The following ALOX5AP variants were observed in gnomAD, a reference collection of about 807,000 sequenced individuals.
ALOX5AP encodes the protein arachidonate 5-lipoxygenase activating protein, also known as arachidonate 5-lipoxygenase-activating protein.
A neutral mutation model predicts 18.5 loss-of-function variants in ALOX5AP; 9 were observed. That is an observed-to-expected ratio of 0.49 (90% CI 0.29 to 0.85). The LOEUF (loss-of-function observed/expected upper bound fraction) is 0.85, where lower values mean the gene tolerates loss of function less well. Among genes scored for constraint, ALOX5AP ranks in the 40% least tolerant of loss-of-function variants. The pLI is 0.08. For missense variants in ALOX5AP, 172 were observed against 202.5 expected (o/e 0.85, Z 0.91); for synonymous variants, 81 against 78.6 (o/e 1.03, Z -0.16).
In ALOX5AP at chr13:30,764,267, T is replaced by A. The variant is rs1307103587; in HGVS notation, c.*161T>A. 1 of 748,970 alleles carries A rather than the reference T, an allele frequency of 1.3e-6. No individual in the cohort carries two copies. The highest frequency in any genetic ancestry group is 2.2e-5 in the South Asian group (1 of 46,408). The allele number at this position is 748,970 out of a possible 1,614,324, so 46.4% of individuals were successfully genotyped here. The stretch of plus-strand genomic sequence containing the variant: ...TAACCTTGCTTTTCCGGGAACAAAA[T>A]GATGTCATGTCAGCTCCGCCCCTTG... On this transcript the variant is annotated 3_prime_UTR_variant, in exon 5 of 5. Transcript: ENST00000380490.
intron 4 of ALOX5AP, among the ~76,000 whole-genome samples, chr13:30,762,070 C>T (rs1477076314): frequency 6.6e-6 from 1 of 152,184 alleles, no homozygotes; most frequent in Non-Finnish European, 1.5e-5. Flanking sequence ...GGCCAAGGAA[C>T]AGGGCTGGTG....
chr13:30,718,115 A>G (rs538194347), intron 1 of ALOX5AP, among the ~76,000 whole-genome samples: 2 of 151,882 alleles, frequency 1.3e-5, no homozygotes, highest in Admixed American at 1.3e-4. Flanking sequence ...GTGTGCCACC[A>G]TGCCTGGCTA....
intron 1 of ALOX5AP, among the ~76,000 whole-genome samples, chr13:30,741,831 GTTTTT>G (rs770976174): frequency 7.5e-6 from 1 of 133,954 alleles, no homozygotes; most frequent in African/African-American, 2.8e-5. Flanking sequence ...ATGGTTTTCT[GTTTTT>G]TTTTTTTTTT....
intron 3 of ALOX5AP, among the ~76,000 whole-genome samples, chr13:30,752,378 G>A (rs1951859911): frequency 6.6e-6 from 1 of 152,188 alleles, no homozygotes; most frequent in East Asian, 1.9e-4. Flanking sequence ...GGTGGTTTAA[G>A]GCTAAATGTG....
chr13:30,727,031 T>C (rs868129487), intron 1 of ALOX5AP, among the ~76,000 whole-genome samples: 1 of 150,238 alleles, frequency 6.7e-6, no homozygotes, highest in African/African-American at 2.5e-5. Flanking sequence ...GAGAGAAAGT[T>C]TCATTGTTAG....
At chr13:30,730,442 G>C (rs1000834213) in intron 1 of ALOX5AP, among the ~76,000 whole-genome samples, 1 of 152,168 alleles carries the variant, frequency 6.6e-6, no homozygotes, top group Non-Finnish European at 1.5e-5. Flanking sequence ...ATATTGGTCT[G>C]AATATTCTTT....
At chr13:30,749,446 T>C (rs1007828543) in intron 2 of ALOX5AP, among the ~76,000 whole-genome samples, 1 of 152,186 alleles carries the variant, frequency 6.6e-6, no homozygotes, top group Non-Finnish European at 1.5e-5. Context: ...AAAAAAGGAA[T>C]TTTTTCTCTA....
intron 1 of ALOX5AP, among the ~76,000 whole-genome samples, chr13:30,724,632 AAGATAACTATTCGCCTTTTG>A (rs1408660817): frequency 6.6e-6 from 1 of 152,206 alleles, no homozygotes; most frequent in East Asian, 1.9e-4. Context: ...TCATTCCCCA[AAGATAACTATTCGCCTTTTG>A]AGAAACATCT....
intron 3 of ALOX5AP, among the ~76,000 whole-genome samples, chr13:30,753,470 C>T (rs747756262): frequency 3.4e-4 from 51 of 152,158 alleles, no homozygotes; most frequent in Admixed American, 9.8e-4. Context: ...GAAGGTGTTT[C>T]GTAGCCCTGG....
chr13:30,736,457 T>C (rs1416001294), intron 1 of ALOX5AP, among the ~76,000 whole-genome samples: 1 of 152,238 alleles, frequency 6.6e-6, no homozygotes, highest in African/African-American at 2.4e-5. Flanking sequence ...CTCAGACCAC[T>C]TTCATAACTA....
rs141412081 is a variant in ALOX5AP at position 30,763,972 on chromosome 13, A to G, written c.352A>G (p.Ile118Val). ...CCCTGGCTACATATTTGGGAAACGC[A>G]TCATACTCTTCCTGTTCCTCATGTC... ...STPGYIFGKR[I>V]ILFLFLMSVA... Residue 118 changes from isoleucine (I) to valine (V), a missense_variant, in exon 5 of 5, where the codon ATC (isoleucine) becomes GTC (valine). By Grantham distance (29) the Ile-to-Val change is conservative. Coordinates refer to ENST00000380490, the MANE Select transcript of ALOX5AP (RefSeq NM_001629.4). The G allele has an allele frequency of 2.2e-4, 350 of 1,614,140 alleles. No homozygotes were observed. The highest frequency in any genetic ancestry group is 2.4e-4 in the Non-Finnish European group (285 of 1,180,034).
chr13:30,756,485 A>G (rs1393616497), intron 4 of ALOX5AP, among the ~76,000 whole-genome samples: 1 of 152,186 alleles, frequency 6.6e-6, no homozygotes, highest in Non-Finnish European at 1.5e-5. Flanking sequence ...ACCAGAAGAA[A>G]GAATGTTGGG....
At chr13:30,753,474 G>A (rs1033155979) in intron 3 of ALOX5AP, among the ~76,000 whole-genome samples, 4 of 152,210 alleles carry the variant, frequency 2.6e-5, no homozygotes, top group Admixed American at 1.3e-4. Context: ...GTGTTTCGTA[G>A]CCCTGGAAAT....
rs533131627 is a variant in ALOX5AP at position 30,714,466 on chromosome 13, C to T, written c.116+625C>T. On this transcript the variant is annotated intron_variant, in intron 1 of 5. Transcript: ENST00000617770. ...AGAACCAGAGGGATCCCGTCATTGCCCAGGGCAGATGCTCCATTTTGGGGG... is the reference window on the plus strand; with the variant it reads ...AGAACCAGAGGGATCCCGTCATTGCTCAGGGCAGATGCTCCATTTTGGGGG... 8.6e-5 allele frequency among the ~76,000 whole-genome samples: 13 copies of T among 151,966 alleles called. No homozygotes were observed. The South Asian group carries it at 2.7e-3, about 32-fold the overall frequency.
intron 4 of ALOX5AP, among the ~76,000 whole-genome samples, chr13:30,760,641 A>G (rs1951933836): frequency 6.6e-6 from 1 of 152,220 alleles, no homozygotes; most frequent in South Asian, 2.1e-4. Context: ...GGCCTCACAC[A>G]GGCAGGTCTG....
At chr13:30,716,129 T>TAG (rs1441063263) in intron 1 of ALOX5AP, among the ~76,000 whole-genome samples, 1 of 152,222 alleles carries the variant, frequency 6.6e-6, no homozygotes, top group East Asian at 1.9e-4. Flanking sequence ...TCTTTGTCAG[T>TAG]CTTGTTTTTC....
chr13:30,742,859 G>GCCCCCCCCCCCC (rs11316477), intron 1 of ALOX5AP, among the ~76,000 whole-genome samples: 34 of 105,996 alleles, frequency 3.2e-4, no homozygotes, highest in Admixed American at 8.5e-4. Context: ...GACCTTCACC[G>GCCCCCCCCCCCC]CCCCCCCCCC....
rs17245456 is a variant in ALOX5AP, at chr13:30,737,517, C to A, written c.70+1842C>A. Among the ~76,000 whole-genome samples, 1,399 of 152,276 alleles carry A rather than the reference C, an allele frequency of 9.2e-3. 20 individuals carry two copies. The highest frequency in any genetic ancestry group is 0.032 in the African/African-American group (1,333 of 41,544). ...TGGCCAAATGTCTGAGTCCTGACAG[C>A]CACAATATGGAGATCTAGACTTTTT... is the stretch of plus-strand genomic sequence containing the variant. On this transcript the variant is annotated intron_variant, in intron 1 of 4. Coordinates refer to ENST00000380490, the MANE Select transcript of ALOX5AP (RefSeq NM_001629.4).
intron 1 of ALOX5AP, among the ~76,000 whole-genome samples, chr13:30,717,473 C>T (rs570895776): frequency 2.0e-5 from 3 of 152,314 alleles, no homozygotes; most frequent in Non-Finnish European, 4.4e-5. Context: ...AGAGGGCTGG[C>T]CTTTGGAACT....
Sources: allele counts gnomAD v4.1 joint callset (sites outside exome capture counted in the v4.1 genomes callset), GRCh38; gene constraint gnomAD v4.1.1; transcripts MANE v1.5; gene names NCBI Gene and HGNC (gene_info 2026-07-23, HGNC 2026-07-21).